The following FGF7 variants were observed in gnomAD, a reference collection of about 807,000 sequenced individuals.
FGF7 encodes the protein fibroblast growth factor 7, also known as FGF-7.
A neutral mutation model predicts 20.5 loss-of-function variants in FGF7; 6 were observed. The ratio of observed to expected loss-of-function variants is 0.29; its 90% CI spans 0.16 to 0.58. The LOEUF (loss-of-function observed/expected upper bound fraction) is 0.58, where lower values mean the gene tolerates loss of function less well. Ranked by LOEUF, FGF7 falls within the 20% of genes least tolerant of loss-of-function variation. The pLI, the probability that FGF7 is intolerant of heterozygous loss-of-function variation, is 0.90. For synonymous variants in FGF7, 64 were observed against 74.7 expected (o/e 0.86, Z 0.74); for missense variants, 144 against 228.8 (o/e 0.63, Z 2.39).
rs576126223 is a variant in FGF7 at position 49,426,381 on chromosome 15, G to T, written c.286+1798G>T. On this transcript the variant is annotated intron_variant, in intron 2 of 3. Transcript: ENST00000267843. Reference sequence around the variant, plus strand: ...AACTAATTTCAAATTATAGCAATAAGGTTACCAAACCTTAACTGTGGAATT... The same window carrying T: ...AACTAATTTCAAATTATAGCAATAATGTTACCAAACCTTAACTGTGGAATT... Among the ~76,000 whole-genome samples, 136 of 151,956 alleles carry T rather than the reference G, an allele frequency of 8.9e-4. 5 individuals are homozygous for T. In the South Asian group the frequency reaches 0.027, roughly 30 times the overall value.
chr15:49,485,843 T>G lies in FGF7; in HGVS notation c.*1339T>G, dbSNP rs1194324671. 2 of 152,110 alleles carry G rather than the reference T, an allele frequency of 1.3e-5. No individual in the cohort carries two copies. Among genetic ancestry groups the G allele is most frequent in the African/African-American group, 4.8e-5 (2 of 41,454 alleles). The allele number at this position is 152,110 out of a possible 1,614,324, so 9.4% of individuals were successfully genotyped here. On this transcript the variant is annotated 3_prime_UTR_variant, in exon 4 of 4. Transcript: ENST00000267843. ...TTTTAAAACTATGTATATTTAAATT[T>G]AGTAATTTTCTAATCTCTAGAAATC...
At chr15:49,459,734 A>G (rs1442223289) in intron 2 of FGF7, among the ~76,000 whole-genome samples, 1 of 152,174 alleles carries the variant, frequency 6.6e-6, no homozygotes, top group Non-Finnish European at 1.5e-5. Flanking sequence ...GCTATAGTTC[A>G]TGACATAAGC....
chr15:49,465,221 C>G (rs1223961488), intron 2 of FGF7, among the ~76,000 whole-genome samples: 1 of 152,008 alleles, frequency 6.6e-6, no homozygotes, highest in Non-Finnish European at 1.5e-5. Flanking sequence ...CCTCTGCCTC[C>G]TAGGTTAAAG....
chr15:49,435,211 G>A (rs1424782927), intron 2 of FGF7, among the ~76,000 whole-genome samples: 1 of 151,534 alleles, frequency 6.6e-6, no homozygotes, highest in African/African-American at 2.4e-5. Context: ...ACTTACCTAT[G>A]TCAGCTGTTG....
chr15:49,453,222 C>T lies in FGF7; in HGVS notation c.286+28639C>T, dbSNP rs1052993652. On this transcript the variant is annotated intron_variant, in intron 2 of 3. Coordinates refer to ENST00000267843, the MANE Select transcript of FGF7 (RefSeq NM_002009.4). ...TGAATATGTTCTGTTTAATCTAATA[C>T]GTCATTTCAACACATAATCAGTATA... Among the ~76,000 whole-genome samples the T allele has an allele frequency of 5.9e-5, 9 of 151,800 alleles. No homozygotes were observed. The East Asian group carries it at 9.7e-4, about 16-fold the overall frequency.
chr15:49,483,938 G>T (rs1471686359), intron 3 of FGF7, among the ~76,000 whole-genome samples: 3 of 152,036 alleles, frequency 2.0e-5, no homozygotes, highest in South Asian at 2.1e-4. Context: ...GGAGGCAGAG[G>T]TTCTGCTAAT....
chr15:49,447,365 G>C (rs147257127), intron 2 of FGF7, among the ~76,000 whole-genome samples: 1 of 151,616 alleles, frequency 6.6e-6, no homozygotes, highest in East Asian at 2.0e-4. Context: ...GTGAGGTTAA[G>C]AAGAAGTAAG....
chr15:49,483,376 TA>T, intron 3 of FGF7, 122 bp downstream of exon 3: 1 of 596,406 alleles, frequency 1.7e-6, no homozygotes, highest in Non-Finnish European at 3.0e-6. Flanking sequence ...ATGATTTTAT[TA>T]AAACACTTTA....
chr15:49,449,367 T>C (rs1323084268), intron 2 of FGF7, among the ~76,000 whole-genome samples: 1 of 152,094 alleles, frequency 6.6e-6, no homozygotes, highest in Non-Finnish European at 1.5e-5. Flanking sequence ...GATTTTAGTA[T>C]ATAAAGACAG....
At chr15:49,464,608 A>G (rs1176554848) in intron 2 of FGF7, among the ~76,000 whole-genome samples, 1 of 152,222 alleles carries the variant, frequency 6.6e-6, no homozygotes, top group East Asian at 1.9e-4. Flanking sequence ...ATACAAGATA[A>G]AAGTCACTGA....
intron 2 of FGF7, among the ~76,000 whole-genome samples, chr15:49,437,391 T>C (rs1394396857): frequency 6.6e-6 from 1 of 151,652 alleles, no homozygotes; most frequent in African/African-American, 2.4e-5. Flanking sequence ...GTTCTTTCTT[T>C]TGTCCATGTC....
At chr15:49,454,791 A>T (rs1055703658) in intron 2 of FGF7, among the ~76,000 whole-genome samples, 1 of 152,062 alleles carries the variant, frequency 6.6e-6, no homozygotes, top group Non-Finnish European at 1.5e-5. Flanking sequence ...TTGTATTTTT[A>T]GTAGACACAG....
chr15:49,446,275 C>T (rs975436027), intron 2 of FGF7, among the ~76,000 whole-genome samples: 1 of 151,416 alleles, frequency 6.6e-6, no homozygotes, highest in African/African-American at 2.4e-5. Context: ...GCAATTAGAT[C>T]TAGTTCATTA....
chr15:49,453,854 A>G (rs969754202), intron 2 of FGF7, among the ~76,000 whole-genome samples: 1 of 152,146 alleles, frequency 6.6e-6, no homozygotes, highest in Non-Finnish European at 1.5e-5. Flanking sequence ...CTCTTACCTT[A>G]TACATTTTAC....
chr15:49,485,142 T>A lies in FGF7; in HGVS notation c.*638T>A, dbSNP rs2056300165. 6.6e-6 allele frequency: 1 copy of A among 152,280 alleles called. No individual in the cohort carries two copies. Among genetic ancestry groups the A allele is most frequent in the African/African-American group, 2.4e-5 (1 of 41,442 alleles). 9.4% of individuals were successfully genotyped at this position (152,280 alleles called of 1,614,324 possible). On this transcript the variant is annotated 3_prime_UTR_variant, in exon 4 of 4. Coordinates refer to ENST00000267843, the MANE Select transcript of FGF7 (RefSeq NM_002009.4). ...TATACCTATAAATAAGAACAAAATTTCTAATGCTGCTCAAGTGGAAAGGGT... is the reference window on the plus strand; with the variant it reads ...TATACCTATAAATAAGAACAAAATTACTAATGCTGCTCAAGTGGAAAGGGT...
At chr15:49,466,730 A>G (rs1843205061) in intron 2 of FGF7, among the ~76,000 whole-genome samples, 1 of 152,168 alleles carries the variant, frequency 6.6e-6, no homozygotes, top group Admixed American at 6.6e-5. Flanking sequence ...CTGGATATAC[A>G]TTGGTAATAT....
intron 2 of FGF7, among the ~76,000 whole-genome samples, chr15:49,477,426 A>T (rs1444617942): frequency 5.3e-5 from 8 of 152,196 alleles, no homozygotes; most frequent in South Asian, 4.1e-4. Flanking sequence ...GGCTGGAATC[A>T]TACAGTATGT....
At chr15:49,482,111 A>G (rs1345121968) in intron 2 of FGF7, among the ~76,000 whole-genome samples, 2 of 152,148 alleles carry the variant, frequency 1.3e-5, no homozygotes, top group Non-Finnish European at 2.9e-5. Context: ...TTTTCTTTGC[A>G]CTGTGTTAGA....
At chr15:49,448,703 C>T (rs1054321188) in intron 2 of FGF7, among the ~76,000 whole-genome samples, 1 of 151,224 alleles carries the variant, frequency 6.6e-6, no homozygotes, top group African/African-American at 2.4e-5. Context: ...AACTATGTTG[C>T]TTTTAATACA....
Sources: allele counts gnomAD v4.1 joint callset (sites outside exome capture counted in the v4.1 genomes callset), GRCh38; gene constraint gnomAD v4.1.1; transcripts MANE v1.5; gene names NCBI Gene and HGNC (gene_info 2026-07-23, HGNC 2026-07-21).